The following ANTXR1 variants were observed in gnomAD, a reference collection of about 807,000 sequenced individuals.
ANTXR1 encodes the protein anthrax toxin receptor 1.
Under a neutral mutation model 78.1 loss-of-function variants are expected in ANTXR1, and 19 were observed. That is an observed-to-expected ratio of 0.24 (90% CI 0.17 to 0.36). The LOEUF is 0.36. Ranked by LOEUF, ANTXR1 falls within the 10% of genes least tolerant of loss-of-function variation. The pLI, the probability that ANTXR1 is intolerant of heterozygous loss-of-function variation, is 1.00. For missense variants in ANTXR1, 518 were observed against 718.6 expected (o/e 0.72, Z 3.19); for synonymous variants, 273 against 260.5 (o/e 1.05, Z -0.46).
At chr2:69,165,790 A>C (rs987712292) in intron 13 of ANTXR1, among the ~76,000 whole-genome samples, 1 of 152,268 alleles carries the variant, frequency 6.6e-6, no homozygotes, top group Admixed American at 6.5e-5. Flanking sequence ...AGAGTTAGCA[A>C]GTGACAAACA....
rs59147668 is a variant in ANTXR1, at chr2:69,151,186, C to CTTTTTTTTTTT, written c.952-970_952-960dup. Reference sequence around the variant, plus strand: ...CTGTACAAACATATCTGATTATTTTCTTTTTTTTTTTTTTTTTTTTTTTGA... The same window carrying CTTTTTTTTTTT: ...CTGTACAAACATATCTGATTATTTTCTTTTTTTTTTTTTTTTTTTTTTTTTTTTTTTTTTGA... On this transcript the variant is annotated intron_variant, in intron 12 of 17. Transcript: ENST00000303714. Among the ~76,000 whole-genome samples, 181 of 82,554 alleles carry CTTTTTTTTTTT rather than the reference C, an allele frequency of 2.2e-3. 3 individuals are homozygous for CTTTTTTTTTTT. Among genetic ancestry groups the CTTTTTTTTTTT allele is most frequent in the Non-Finnish European group, 3.0e-3 (135 of 45,192 alleles). 54.2% of individuals were successfully genotyped at this position (82,554 alleles called of 152,430 possible).
intron 1 of ANTXR1, among the ~76,000 whole-genome samples, chr2:69,033,171 G>A (rs1447566657): frequency 2.0e-5 from 3 of 152,184 alleles, no homozygotes; most frequent in East Asian, 1.9e-4. Context: ...GGAGCAGAGC[G>A]GGCAGCCCCA....
At chr2:69,188,783 A>G (rs1674485206) in intron 16 of ANTXR1, among the ~76,000 whole-genome samples, 1 of 152,218 alleles carries the variant, frequency 6.6e-6, no homozygotes, top group Admixed American at 6.5e-5. Flanking sequence ...TCTGAGATAG[A>G]TAAAGCGGAG....
At chr2:69,095,470 C>T (rs780198628) in intron 9 of ANTXR1, among the ~76,000 whole-genome samples, 15 of 152,194 alleles carry the variant, frequency 9.9e-5, no homozygotes, top group Non-Finnish European at 1.8e-4. Context: ...ACTGAGATGC[C>T]TGTGCGATGA....
intron 2 of ANTXR1, among the ~76,000 whole-genome samples, chr2:69,044,171 A>G (rs980658565): frequency 2.2e-4 from 33 of 152,188 alleles, no homozygotes; most frequent in Admixed American, 3.3e-4. Flanking sequence ...TATGACTACC[A>G]AGTGGAATAG....
At chr2:69,034,948 G>A (rs1413998925) in intron 1 of ANTXR1, among the ~76,000 whole-genome samples, 1 of 152,156 alleles carries the variant, frequency 6.6e-6, no homozygotes, top group Non-Finnish European at 1.5e-5. Flanking sequence ...ACCTGGTTGT[G>A]ACCAGGAGTC....
intron 12 of ANTXR1, chr2:69,145,250 C>T: frequency 6.8e-7 from 1 of 1,460,658 alleles, no homozygotes; most frequent in Non-Finnish European, 9.4e-7. Flanking sequence ...GCATGGGTCC[C>T]TGCTAGGCCC....
intron 1 of ANTXR1, among the ~76,000 whole-genome samples, chr2:69,030,395 C>T (rs1320367770): frequency 1.3e-5 from 2 of 152,106 alleles, no homozygotes; most frequent in Non-Finnish European, 2.9e-5. Flanking sequence ...AAGATAATAC[C>T]TTCATACACA....
At chr2:69,087,579 G>C (rs766861083) in intron 8 of ANTXR1, among the ~76,000 whole-genome samples, 2 of 152,114 alleles carry the variant, frequency 1.3e-5, no homozygotes, top group Non-Finnish European at 2.9e-5. Flanking sequence ...TCTTCACATG[G>C]GATTATACTT....
rs142698742 is a variant in ANTXR1, at chr2:69,187,380, G to A, written c.1353+4720G>A. Among the ~76,000 whole-genome samples the A allele has an allele frequency of 8.9e-3, 1,352 of 151,902 alleles. 22 individuals are homozygous for A. Among genetic ancestry groups the A allele is most frequent in the African/African-American group, 0.031 (1,268 of 41,400 alleles). ...GAGCTGACCATTTCAGACAAGTGAA[G>A]TCATGCCCAGCTATATGGGCAAATT... On this transcript the variant is annotated intron_variant, in intron 16 of 17. Transcript: ENST00000303714.
intron 17 of ANTXR1, among the ~76,000 whole-genome samples, chr2:69,217,130 A>C (rs1471244077): frequency 6.6e-6 from 1 of 152,202 alleles, no homozygotes; most frequent in African/African-American, 2.4e-5. Flanking sequence ...GCTCCCAGGG[A>C]TGACCACTGT....
chr2:69,019,080 C>A (rs1454658752), intron 1 of ANTXR1, among the ~76,000 whole-genome samples: 1 of 152,074 alleles, frequency 6.6e-6, no homozygotes, highest in Non-Finnish European at 1.5e-5. Context: ...CAGACTGAAT[C>A]TGATAGAAAA....
chr2:69,044,594 C>G, intron 2 of ANTXR1, 148 bp from the exon 3 acceptor site: 1 of 782,612 alleles, frequency 1.3e-6, no homozygotes, highest in Non-Finnish European at 2.3e-6. Flanking sequence ...AATCAACACC[C>G]GCAGCACCAG....
At chr2:69,146,378 T>C in intron 12 of ANTXR1, 1 of 984,326 alleles carries the variant, frequency 1.0e-6, no homozygotes, top group Non-Finnish European at 1.2e-6. Flanking sequence ...TTATTTCCAT[T>C]TTTTTTAATA....
intron 10 of ANTXR1, among the ~76,000 whole-genome samples, chr2:69,106,236 A>G (rs1052340214): frequency 5.3e-5 from 8 of 152,220 alleles, no homozygotes; most frequent in Non-Finnish European, 7.3e-5. Context: ...TTCTCTCCCA[A>G]TTTCCTTGCA....
intron 5 of ANTXR1, 28 bp from the exon 6 acceptor site, chr2:69,072,994 C>A: frequency 6.2e-7 from 1 of 1,610,300 alleles, no homozygotes; most frequent in Non-Finnish European, 8.5e-7. Flanking sequence ...GCAGGGTGGA[C>A]TGAGCCAGTC....
intron 2 of ANTXR1, among the ~76,000 whole-genome samples, chr2:69,042,072 A>G (rs1669629910): frequency 6.6e-6 from 1 of 152,194 alleles, no homozygotes; most frequent in African/African-American, 2.4e-5. Flanking sequence ...TTATTTATTC[A>G]TTTTAATAAA....
At chr2:69,223,444 T>A (rs1181077656) in intron 17 of ANTXR1, among the ~76,000 whole-genome samples, 1 of 152,220 alleles carries the variant, frequency 6.6e-6, no homozygotes, top group Non-Finnish European at 1.5e-5. Flanking sequence ...TCCTGAGTTT[T>A]CCTACTTCCT....
At chr2:69,197,044 G>T (rs915727847) in intron 17 of ANTXR1, among the ~76,000 whole-genome samples, 3 of 152,190 alleles carry the variant, frequency 2.0e-5, no homozygotes, top group African/African-American at 7.2e-5. Context: ...CCAAGCCCCA[G>T]GTCAGGGGTG....
Sources: gnomAD v4.1 joint callset for allele counts (sites outside exome capture counted in the v4.1 genomes callset) on GRCh38, gnomAD v4.1.1 for gene constraint, MANE v1.5 for transcripts, NCBI Gene and HGNC (gene_info 2026-07-23, HGNC 2026-07-21) for gene names.